Variants in RHOBTB3 observed in about 807,000 individuals in gnomAD.
RHOBTB3 encodes the protein rho-related BTB domain-containing protein 3.
A neutral mutation model predicts 67.2 loss-of-function variants in RHOBTB3; 47 were observed. The ratio of observed to expected loss-of-function variants is 0.70; its 90% confidence interval spans 0.55 to 0.89. The LOEUF (loss-of-function observed/expected upper bound fraction) is 0.89. RHOBTB3 is among the 40% of genes least tolerant of loss of function. RHOBTB3 has a pLI of 0.00. For missense variants in RHOBTB3, 631 were observed against 750.0 expected (o/e 0.84, Z 1.85); for synonymous variants, 273 against 274.2 (o/e 1.00, Z 0.04).
chr5:95,746,668 C>CA (rs1332038642), intron 3 of RHOBTB3, among the ~76,000 whole-genome samples: 1 of 152,108 alleles, frequency 6.6e-6, no homozygotes, highest in Non-Finnish European at 1.5e-5. Flanking sequence ...CTTTTGGTGT[C>CA]ACTTTTATTA....
intron 6 of RHOBTB3, among the ~76,000 whole-genome samples, chr5:95,758,084 T>C (rs1055884006): frequency 1.3e-5 from 2 of 152,240 alleles, no homozygotes; most frequent in Admixed American, 1.3e-4. Context: ...TATTATTGAC[T>C]ACTTTCAAAG....
At chr5:95,741,255 G>C (rs987375013) in intron 3 of RHOBTB3, among the ~76,000 whole-genome samples, 1 of 150,948 alleles carries the variant, frequency 6.6e-6, no homozygotes, top group African/African-American at 2.4e-5. Flanking sequence ...ACGAACCCAG[G>C]AGGCGGAGGT....
rs373372296 is a variant in RHOBTB3, at chr5:95,731,679, G to C, written c.-4G>C. The C allele has an allele frequency of 1.1e-5, 17 of 1,613,350 alleles. No individual in the cohort carries two copies. In the African/African-American group the frequency reaches 1.9e-4, roughly 18 times the overall value. On this transcript the variant is annotated 5_prime_UTR_variant, in exon 1 of 12. Transcript: ENST00000379982. ...GTCGCCGCCCTGCCCTTGGATTTGA[G>C]ATCATGTACGTACGCGCCGCCGTCC...
At chr5:95,717,854 T>TA (rs1370319448) in intron 1 of RHOBTB3, 1 of 152,234 alleles carries the variant, frequency 6.6e-6, no homozygotes, top group Non-Finnish European at 1.5e-5. Context: ...AGGATGGGGT[T>TA]ATTTCCTTGA....
chr5:95,792,128 G>A (rs1746415492), intron 11 of RHOBTB3, among the ~76,000 whole-genome samples: 1 of 152,182 alleles, frequency 6.6e-6, no homozygotes, highest in Non-Finnish European at 1.5e-5. Context: ...CAACAGGGAA[G>A]AACAGCTTAT....
chr5:95,766,596 T>TTA (rs967550492), intron 7 of RHOBTB3, among the ~76,000 whole-genome samples: 15 of 115,848 alleles, frequency 1.3e-4, no homozygotes, highest in African/African-American at 4.7e-4. Context: ...GACTAAAATT[T>TTA]AAAAAAAAAA....
At chr5:95,783,297 T>A (rs1414523249) in intron 9 of RHOBTB3, among the ~76,000 whole-genome samples, 1 of 151,596 alleles carries the variant, frequency 6.6e-6, no homozygotes. Context: ...AATTTTTTTT[T>A]ATTTTTAGTA....
chr5:95,770,683 G>T, intron 8 of RHOBTB3: 1 of 484,184 alleles, frequency 2.1e-6, no homozygotes, highest in Non-Finnish European at 4.2e-6. Flanking sequence ...TGCGGTAGGT[G>T]GGATGGGAGG....
chr5:95,750,467 T>C (rs770092246), intron 4 of RHOBTB3, among the ~76,000 whole-genome samples: 1 of 152,218 alleles, frequency 6.6e-6, no homozygotes, highest in Non-Finnish European at 1.5e-5. Flanking sequence ...AAAATTCAGT[T>C]CTTCAAGCAT....
At chr5:95,767,795 T>C (rs1456254998) in intron 7 of RHOBTB3, 3 of 702,638 alleles carry the variant, frequency 4.3e-6, no homozygotes, top group East Asian at 5.4e-5. Flanking sequence ...TTCTCAGCAA[T>C]GGAGCTGAGT....
chr5:95,735,410 G>T (rs747005228), intron 2 of RHOBTB3, among the ~76,000 whole-genome samples: 1 of 152,090 alleles, frequency 6.6e-6, no homozygotes, highest in Non-Finnish European at 1.5e-5. Flanking sequence ...ATGGGGAACT[G>T]GGGGAGGCAC....
rs762956700 is a variant in RHOBTB3, at chr5:95,793,998, C to T, written c.*824C>T. On this transcript the variant is annotated 3_prime_UTR_variant, in exon 12 of 12. Transcript: ENST00000379982. Reference sequence around the variant, plus strand: ...AATATCCTATGTTTTCTTGCTCAAACACCTTTCTCTCTGAAAGCAGAAAAA... The same window carrying T: ...AATATCCTATGTTTTCTTGCTCAAATACCTTTCTCTCTGAAAGCAGAAAAA... 1 of 456,222 alleles carries T rather than the reference C, an allele frequency of 2.2e-6. No individual in the cohort carries two copies. The highest frequency in any genetic ancestry group is 4.4e-6 in the Non-Finnish European group (1 of 226,952). 28.3% of individuals were successfully genotyped at this position (456,222 alleles called of 1,614,324 possible).
At chr5:95,743,710 C>A (rs1440626868) in intron 3 of RHOBTB3, among the ~76,000 whole-genome samples, 1 of 114,552 alleles carries the variant, frequency 8.7e-6, no homozygotes, top group Middle Eastern at 4.5e-3. Flanking sequence ...TCTCCTCCCC[C>A]CCATTTTTTT....
At chr5:95,756,309 TTCATCC>T (rs1745244055) in intron 6 of RHOBTB3, among the ~76,000 whole-genome samples, 1 of 152,196 alleles carries the variant, frequency 6.6e-6, no homozygotes, top group Admixed American at 6.5e-5. Flanking sequence ...GTCTTAAAGG[TTCATCC>T]AAGTTGTGGC....
Position 95,783,946 on chromosome 5 carries a change from C to A in RHOBTB3, c.1606C>A (p.Leu536Met), listed in dbSNP as rs1445449510. ...LASMNLDIVD[L>M]LKKAKFHHSD... ...ATCCATGAACCTTGATATAGTTGAC[C>A]TGCTTAAAAAGGCCAAGGTAATTGA... Residue 536 changes from leucine (L) to methionine (M), a missense_variant, in exon 10 of 12, where the codon CTG becomes ATG. Leu to Met is a conservative substitution (Grantham distance 15). Coordinates refer to ENST00000379982, the MANE Select transcript of RHOBTB3 (RefSeq NM_014899.4). The A allele has an allele frequency of 3.7e-6, 6 of 1,612,440 alleles. No individual in the cohort carries two copies. The highest frequency in any genetic ancestry group is 5.1e-6 in the Non-Finnish European group (6 of 1,179,012).
intron 9 of RHOBTB3, 43 bp from the exon 10 acceptor site, chr5:95,783,754 T>C (rs1326636427): frequency 5.8e-6 from 9 of 1,548,002 alleles, no homozygotes; most frequent in African/African-American, 2.7e-5. Flanking sequence ...ATTAAAGAAA[T>C]GGTTTCATCA....
chr5:95,724,410 T>C (rs950821161), intron 1 of RHOBTB3, among the ~76,000 whole-genome samples: 2 of 152,262 alleles, frequency 1.3e-5, no homozygotes, highest in Non-Finnish European at 2.9e-5. Flanking sequence ...TGAAATTATA[T>C]TTGGAAAATG....
intron 5 of RHOBTB3, among the ~76,000 whole-genome samples, chr5:95,753,076 G>A (rs915323357): frequency 3.9e-5 from 6 of 152,116 alleles, no homozygotes; most frequent in Non-Finnish European, 4.4e-5. Flanking sequence ...AGCTTGCAGT[G>A]AGCAGAGATT....
intron 11 of RHOBTB3, chr5:95,789,655 G>C (rs915172597): frequency 1.3e-5 from 2 of 152,120 alleles, no homozygotes; most frequent in Non-Finnish European, 2.9e-5. Context: ...TGTCTTCTAG[G>C]GTGGGGGACA....
Sources: allele counts gnomAD v4.1 joint callset (sites outside exome capture counted in the v4.1 genomes callset), GRCh38; gene constraint gnomAD v4.1.1; transcripts MANE v1.5; gene names NCBI Gene and HGNC (gene_info 2026-07-23, HGNC 2026-07-21).